SNRNP200: variants seen among roughly 807,000 people sequenced by gnomAD.
The protein encoded by SNRNP200 is small nuclear ribonucleoprotein U5 subunit 200.
SNRNP200 carries 66 observed loss-of-function variants against 255.2 expected under a neutral mutation model. The ratio of observed to expected loss-of-function variants is 0.26; its 90% CI spans 0.21 to 0.32. SNRNP200 has a LOEUF of 0.32. Ranked by LOEUF, SNRNP200 falls within the 10% of genes least tolerant of loss-of-function variation. SNRNP200 has a pLI of 1.00. For missense variants in SNRNP200, 1,585 were observed against 2,749.8 expected, an observed-to-expected ratio of 0.58 and a Z score of 9.47; for synonymous variants, 939 against 1,027.8, an observed-to-expected ratio of 0.91 and a Z score of 1.65.
At chr2:96,297,834 G>A (rs1409707058) in intron 9 of SNRNP200, 114 bp from the exon 10 acceptor site, 10 of 1,104,704 alleles carry the variant, frequency 9.1e-6, no homozygotes, top group South Asian at 2.6e-5. Flanking sequence ...CTAGTAAGTC[G>A]TGAAACAGAA....
In SNRNP200 at chr2:96,301,632, C is replaced by A. The variant is rs2063952929; in HGVS notation, c.466G>T (p.Glu156Ter). Residue 156 changes from glutamate to a stop codon, truncating the protein, a stop_gained, in exon 4 of 45, where the codon GAG becomes TAG. Transcript: ENST00000323853. LOFTEE classifies it high-confidence loss of function. ...GTTTGACCCAGCAGCAGGTCAATCT[C>A]CTTTCGCCTTTCCTTGTCCCGCAGC... is the stretch of plus-strand genomic sequence containing the variant. ...EKLRDKERRK[E>*]IDLLLGQTDD... The A allele has an allele frequency of 6.2e-7, 1 of 1,614,072 alleles. No homozygotes were observed.
intron 8 of SNRNP200, 55 bp downstream of exon 8, chr2:96,298,548 T>C (rs1471359991): frequency 1.7e-5 from 27 of 1,597,906 alleles, no homozygotes; most frequent in Non-Finnish European, 2.2e-5. Flanking sequence ...AATCTCTATG[T>C]CACACATGCA....
At position 96,278,110 on chromosome 2, in the gene SNRNP200, G is replaced by A. The variant is rs766991611; in HGVS notation, c.5610+127C>T. 5.2e-5 allele frequency: 80 copies of A among 1,530,716 alleles called. No individual in the cohort carries two copies. Among genetic ancestry groups the A allele is most frequent in the Middle Eastern group, 1.7e-4 (1 of 5,892 alleles). The allele number at this position is 1,530,716 out of a possible 1,614,324, so 94.8% of individuals were successfully genotyped here. A position where few individuals can be genotyped will look rare whatever the true frequency, so the allele number is the denominator to read the frequency against. On this transcript the variant is annotated intron_variant, in intron 39 of 44. Coordinates refer to ENST00000323853, the MANE Select transcript of SNRNP200 (RefSeq NM_014014.5). The surrounding 1 kb of genome is among the most constrained non-coding windows in gnomAD (Gnocchi z 6.9). ...GATGGGTTTGAGGGAGGTATGGAGC[G>A]GGAGGACATATGGCGGGGGTCGGGG...
intron 30 of SNRNP200, 183 bp downstream of exon 30, chr2:96,284,997 G>A (rs765276513): frequency 2.2e-5 from 16 of 717,088 alleles, no homozygotes; most frequent in Middle Eastern, 2.3e-4. Context: ...AGATCTGCCC[G>A]CCTCGGCCTC....
intron 35 of SNRNP200, chr2:96,279,932 G>A: frequency 3.1e-6 from 1 of 320,438 alleles, no homozygotes; most frequent in South Asian, 2.7e-5. Context: ...TTGATACAGG[G>A]TCTTGCTCTG....
intron 29 of SNRNP200, among the ~76,000 whole-genome samples, chr2:96,285,720 A>C (rs1051851097): frequency 6.6e-6 from 1 of 152,246 alleles, no homozygotes; most frequent in Non-Finnish European, 1.5e-5. Flanking sequence ...GTTTCCTAGA[A>C]ATAGCCTAAG....
chr2:96,283,815 G>C lies in SNRNP200; in HGVS notation c.4582C>G (p.Gln1528Glu). 6.2e-7 allele frequency: 1 copy of C among 1,612,558 alleles called. No homozygotes were observed. Among genetic ancestry groups the C allele is most frequent in the Non-Finnish European group, 8.5e-7 (1 of 1,179,226 alleles). ...CGGATGAGGAGAGTGGGTCCTACCT[G>C]GATGTGCAGCTCCAAGGGGACGGGA... is the stretch of plus-strand genomic sequence containing the variant. ...VRPVPLELHIQGFNISHTQTR... is the reference protein window; with the variant it reads ...VRPVPLELHIEGFNISHTQTR... The change falls in exon 32 of 45, where the codon CAG becomes GAG. Residue 1528 changes from glutamine (Q) to glutamate (E), a missense_variant and splice_region_variant. Physicochemically the swap from Gln to Glu is conservative, Grantham distance 29. Coordinates refer to ENST00000323853, the MANE Select transcript of SNRNP200 (RefSeq NM_014014.5). This position sits in a 1 kb window ranked among gnomAD's most constrained non-coding sequence, Gnocchi z 4.7.
At position 96,284,559 on chromosome 2, in the gene SNRNP200, G is replaced by A; in HGVS notation, c.4191C>T (p.Phe1397=). 1.9e-6 allele frequency: 3 copies of A among 1,614,022 alleles called. No homozygotes were observed. The change falls in exon 31 of 45, where the codon TTC becomes TTT. Residue 1397 remains phenylalanine, a synonymous_variant. Coordinates refer to ENST00000323853, the MANE Select transcript of SNRNP200 (RefSeq NM_014014.5). ...CCACCTTCTTGTTGAGCCTGTCCTGGAACTTCTCGTACCAGTCCATGTATA... is the reference window on the plus strand; with the variant it reads ...CCACCTTCTTGTTGAGCCTGTCCTGAAACTTCTCGTACCAGTCCATGTATA... ...EQVYMDWYEK[F]QDRLNKKVVL...
At chr2:96,302,968 G>T (rs2104364820) in intron 3 of SNRNP200, among the ~76,000 whole-genome samples, 191 bp downstream of exon 3, 1 of 152,102 alleles carries the variant, frequency 6.6e-6, no homozygotes, top group South Asian at 2.1e-4. Flanking sequence ...TTTTATGGAG[G>T]CTTCATTATG....
chr2:96,298,692 T>C lies in SNRNP200; in HGVS notation c.893A>G (p.Asp298Gly), dbSNP rs1387210513. ...CAGCTGATTTTCACATTCCCGATCA[T>C]CACTGGCCGTCTGCAGAGAGCAGGT... The part of the protein sequence containing the change: ...EVLEILKTAS[D>G]DRECENQLVL... Residue 298 changes from aspartate (D) to glycine (G), a missense_variant, in exon 8 of 45, where the codon GAT (aspartate) becomes GGT (glycine). Around this residue, in one of 9 missense-constraint regions of SNRNP200, gnomAD observed 383 missense variants for 645.3 expected, o/e 0.59. Coordinates refer to ENST00000323853, the MANE Select transcript of SNRNP200 (RefSeq NM_014014.5). 4.3e-6 allele frequency: 7 copies of C among 1,614,042 alleles called. No individual in the cohort carries two copies. Among genetic ancestry groups the C allele is most frequent in the Non-Finnish European group, 4.2e-6 (5 of 1,180,040 alleles).
rs1273105573 is a variant in SNRNP200 at position 96,277,007 on chromosome 2, G to A, written c.6093-22C>T. The A allele has an allele frequency of 8.7e-6, 14 of 1,613,850 alleles. No individual in the cohort carries two copies. Among genetic ancestry groups the A allele is most frequent in the African/African-American group, 2.7e-5 (2 of 74,930 alleles). On this transcript the variant is annotated intron_variant, in intron 42 of 44. Transcript: ENST00000323853. The surrounding 1 kb of genome is among the most constrained non-coding windows in gnomAD (Gnocchi z 4.4). ...GCCACTGCAGGGGGAGAGGAGGGGC[G>A]CACGTCAGTGATGGGGCAGTGGGCT...
Position 96,299,039 on chromosome 2 carries a change from C to T in SNRNP200, c.730-72G>A, listed in dbSNP as rs943505879. ...CGATCACTTTGCCACCACCCTGCAACCAAGTTCTACTTGACAATCCATAGC... is the reference window on the plus strand; with the variant it reads ...CGATCACTTTGCCACCACCCTGCAATCAAGTTCTACTTGACAATCCATAGC... On this transcript the variant is annotated intron_variant, in intron 6 of 44. Transcript: ENST00000323853. 7.5e-6 allele frequency: 12 copies of T among 1,592,130 alleles called. No homozygotes were observed. The Admixed American group carries it at 1.8e-4, about 24-fold the overall frequency.
chr2:96,275,302 A>G lies in SNRNP200; in HGVS notation c.6222T>C (p.Asn2074=), dbSNP rs780756965. 3.1e-6 allele frequency: 5 copies of G among 1,614,044 alleles called. No homozygotes were observed. Among genetic ancestry groups the G allele is most frequent in the Non-Finnish European group, 4.2e-6 (5 of 1,180,034 alleles). The part of the protein sequence containing the change: ...WWVVIGDAKS[N]SLISIKRLTL... Reference sequence around the variant, plus strand: ...TCAGCCTCTTGATGGAGATGAGGCTATTGGACTTGGCATCTCCAATCACCA... The same window carrying G: ...TCAGCCTCTTGATGGAGATGAGGCTGTTGGACTTGGCATCTCCAATCACCA... The change falls in exon 44 of 45, where the codon AAT becomes AAC. Residue 2074 remains asparagine, a synonymous_variant. Coordinates refer to ENST00000323853, the MANE Select transcript of SNRNP200 (RefSeq NM_014014.5).
Position 96,295,673 on chromosome 2 carries a change from C to A in SNRNP200, c.1672-15G>T. On this transcript the variant is annotated splice_polypyrimidine_tract_variant and intron_variant, in intron 13 of 44. Coordinates refer to ENST00000323853, the MANE Select transcript of SNRNP200 (RefSeq NM_014014.5). ...GTGGCCAGGCGCTGTGGGAGGAAAACTACATCAGGCAGGAATGCTTGAAGG... is the reference window on the plus strand; with the variant it reads ...GTGGCCAGGCGCTGTGGGAGGAAAAATACATCAGGCAGGAATGCTTGAAGG... 6.2e-7 allele frequency: 1 copy of A among 1,612,750 alleles called. No homozygotes were observed. The highest frequency in any genetic ancestry group is 8.5e-7 in the Non-Finnish European group (1 of 1,179,926).
rs1684672937 is a variant in SNRNP200 at position 96,276,794 on chromosome 2, A to G, written c.6174+110T>C. On this transcript the variant is annotated intron_variant, in intron 43 of 44. Coordinates refer to ENST00000323853, the MANE Select transcript of SNRNP200 (RefSeq NM_014014.5). ...GATTAATTCTCACCCTTGTGAGCTGATTATCAGTCTAAAGTTTCCCTCCCT... is the reference window on the plus strand; with the variant it reads ...GATTAATTCTCACCCTTGTGAGCTGGTTATCAGTCTAAAGTTTCCCTCCCT... The G allele has an allele frequency of 2.9e-5, 28 of 980,568 alleles. No individual in the cohort carries two copies. The South Asian group carries it at 3.6e-4, about 13-fold the overall frequency. The allele number at this position is 980,568 out of a possible 1,614,324, so 60.7% of individuals were successfully genotyped here. A position where few individuals can be genotyped will look rare whatever the true frequency, so the allele number is the denominator to read the frequency against.
intron 43 of SNRNP200, among the ~76,000 whole-genome samples, chr2:96,275,700 T>C (rs567529760): frequency 6.6e-6 from 1 of 152,296 alleles, no homozygotes; most frequent in South Asian, 2.1e-4. Context: ...AAGGCAAATC[T>C]GCCAGATGAG....
chr2:96,292,019 G>C (rs2063887043), intron 16 of SNRNP200, 119 bp from the exon 17 acceptor site: 1 of 1,118,656 alleles, frequency 8.9e-7, no homozygotes, highest in African/African-American at 1.5e-5. Flanking sequence ...GAGGGGCAAG[G>C]GCAGGAATGT....
chr2:96,284,573 A>G lies in SNRNP200; in HGVS notation c.4177T>C (p.Trp1393Arg), dbSNP rs1436745101. 1.9e-6 allele frequency: 3 copies of G among 1,613,736 alleles called. No homozygotes were observed. The highest frequency in any genetic ancestry group is 1.3e-5 in the African/African-American group (1 of 75,008). Residue 1393 changes from tryptophan to arginine, a missense_variant, in exon 31 of 45, where the codon TGG (tryptophan) becomes CGG (arginine). By Grantham distance (101) the Trp-to-Arg change is moderately radical. Around this residue, in one of 9 missense-constraint regions of SNRNP200, gnomAD observed 719 missense variants for 1,091.1 expected, o/e 0.66. Transcript: ENST00000323853. ...AGCCTGTCCTGGAACTTCTCGTACC[A>G]GTCCATGTATACCTGGCGGGCAGAG... The part of the protein sequence containing the change: ...EALAEQVYMD[W>R]YEKFQDRLNK...
At position 96,286,957 on chromosome 2, in the gene SNRNP200, C is replaced by T. The variant is rs1049913017; in HGVS notation, c.3639+49G>A. On this transcript the variant is annotated intron_variant, in intron 27 of 44. Coordinates refer to ENST00000323853, the MANE Select transcript of SNRNP200 (RefSeq NM_014014.5). This position sits in a 1 kb window ranked among gnomAD's most constrained non-coding sequence, Gnocchi z 4.8. ...CCAATCCATCTCCTCGGCCCAGCAACGTAGACTGAGCACCTCCAATCCAGC... is the reference window on the plus strand; with the variant it reads ...CCAATCCATCTCCTCGGCCCAGCAATGTAGACTGAGCACCTCCAATCCAGC... 14 of 1,613,802 alleles carry T rather than the reference C, an allele frequency of 8.7e-6. No homozygotes were observed. The highest frequency in any genetic ancestry group is 1.0e-5 in the Non-Finnish European group (12 of 1,179,786).
Sources: allele counts gnomAD v4.1 joint callset (sites outside exome capture counted in the v4.1 genomes callset), GRCh38; gene constraint gnomAD v4.1.1; regional missense constraint gnomAD v4.1.1; non-coding constraint Gnocchi (gnomAD v3.1); transcripts MANE v1.5; gene names NCBI Gene and HGNC (gene_info 2026-07-23, HGNC 2026-07-21).